Variants in SLC34A3 observed in about 807,000 individuals in gnomAD.
The protein encoded by SLC34A3 is sodium-dependent phosphate transport protein 2C.
A neutral mutation model predicts 43.9 loss-of-function variants in SLC34A3; 60 were observed. The observed-to-expected ratio is 1.37, with a 90% CI of 1.11 to 1.70. SLC34A3 has a LOEUF of 1.70. Ranked by LOEUF, SLC34A3 falls within the 40% of genes most tolerant of loss-of-function variation. SLC34A3 has a pLI of 0.00. For synonymous variants in SLC34A3, 451 were observed against 386.2 expected (o/e 1.17, Z -1.97); for missense variants, 969 against 823.8 (o/e 1.18, Z -2.16).
intron 12 of SLC34A3, among the ~76,000 whole-genome samples, chr9:137,235,551 G>C (rs1020336416): frequency 3.9e-5 from 6 of 152,224 alleles, no homozygotes; most frequent in African/African-American, 1.4e-4. Context: ...CCGTGACACT[G>C]TTCTCCCCTC....
rs1257538967 is a variant in SLC34A3, at chr9:137,234,369, G to A, written c.1094-47G>A. On this transcript the variant is annotated intron_variant, in intron 10 of 12. Transcript: ENST00000673835. The surrounding 1 kb of genome is among the most constrained non-coding windows in gnomAD (Gnocchi z 6.9). ...ACCAGGCTGACTCGGGGGCTACCTG[G>A]CCCTCCTTGTGGGCGCTGGCCAGGG... 3 of 1,595,302 alleles carry A rather than the reference G, an allele frequency of 1.9e-6. No homozygotes were observed. Among genetic ancestry groups the A allele is most frequent in the African/African-American group, 1.3e-5 (1 of 74,740 alleles).
At position 137,232,094 on chromosome 9, in the gene SLC34A3, C is replaced by G; in HGVS notation, c.108C>G (p.Val36=). The G allele has an allele frequency of 6.2e-7, 1 of 1,613,234 alleles. No individual in the cohort carries two copies. The highest frequency in any genetic ancestry group is 8.5e-7 in the Non-Finnish European group (1 of 1,179,982). The part of the protein sequence containing the change: ...RNEGTSSSAP[V]LEEGDTDPWT... ...CAGGGACCTCCAGTTCTGCTCCAGT[C>G]TTGGAGGAAGGGGACACAGACCCCT... Residue 36 remains valine (V), a synonymous_variant, in exon 3 of 13, where the codon GTC becomes GTG. Transcript: ENST00000673835.
chr9:137,232,957 G>T, intron 5 of SLC34A3, 30 bp downstream of exon 5: 2 of 1,606,234 alleles, frequency 1.2e-6, no homozygotes, highest in Non-Finnish European at 1.7e-6. Flanking sequence ...CCGGGTGGTG[G>T]GGGGGGCAGG....
rs1836602044 is a variant in SLC34A3, at chr9:137,236,405, C to CT, written c.1789_1790insT (p.Gln597LeufsTer9). On this transcript the variant is annotated frameshift_variant, in exon 13 of 13. Coordinates refer to ENST00000673835, the MANE Select transcript of SLC34A3 (RefSeq NM_001177316.2). LOFTEE classifies it high-confidence loss of function. The stretch of plus-strand genomic sequence containing the variant: ...CGAGAACCCTGAGATCTTGGCCTCC[C>CT]AGCAGTTGTGACGGGCAGTTGCTGA... The CT allele has an allele frequency of 1.3e-6, 2 of 1,536,976 alleles. No individual in the cohort carries two copies. The highest frequency in any genetic ancestry group is 1.7e-6 in the Non-Finnish European group (2 of 1,146,650).
intron 7 of SLC34A3, 76 bp from the exon 8 acceptor site, chr9:137,233,557 A>C: frequency 1.9e-6 from 3 of 1,560,900 alleles, no homozygotes; most frequent in Non-Finnish European, 2.6e-6. Context: ...GCTGGGCTGG[A>C]CCCCGCGGGC....
In SLC34A3 at chr9:137,232,124, C is replaced by T; in HGVS notation, c.138C>T (p.Thr46=). ...VLEEGDTDPW[T]LPQLKDTSQP... Reference sequence around the variant, plus strand: ...AGGAAGGGGACACAGACCCCTGGACCCTCCCTCAGCTGAAGGACACAAGCC... The same window carrying T: ...AGGAAGGGGACACAGACCCCTGGACTCTCCCTCAGCTGAAGGACACAAGCC... The change falls in exon 3 of 13, where the codon ACC becomes ACT. Residue 46 remains threonine, a synonymous_variant. Transcript: ENST00000673835. The T allele has an allele frequency of 1.2e-6, 2 of 1,613,166 alleles. No homozygotes were observed. Among genetic ancestry groups the T allele is most frequent in the Non-Finnish European group, 8.5e-7 (1 of 1,180,018 alleles).
chr9:137,234,047 G>C lies in SLC34A3; in HGVS notation c.926-62G>C. Reference sequence around the variant, plus strand: ...CCCCGGCGGACAGGCTGCCCTGTGAGGCCCGGCCCACCCCGGCCCACCCCC... The same window carrying C: ...CCCCGGCGGACAGGCTGCCCTGTGACGCCCGGCCCACCCCGGCCCACCCCC... On this transcript the variant is annotated intron_variant, in intron 9 of 12. Transcript: ENST00000673835. The surrounding 1 kb of genome is among the most constrained non-coding windows in gnomAD (Gnocchi z 6.9). 6.8e-7 allele frequency: 1 copy of C among 1,481,344 alleles called. No individual in the cohort carries two copies. Among genetic ancestry groups the C allele is most frequent in the Non-Finnish European group, 9.1e-7 (1 of 1,099,942 alleles). The allele number at this position is 1,481,344 out of a possible 1,614,324, so 91.8% of individuals were successfully genotyped here.
Position 137,233,362 on chromosome 9 carries a change from C to T in SLC34A3, c.714C>T (p.Ile238=), listed in dbSNP as rs973901361. 3.7e-6 allele frequency: 6 copies of T among 1,606,768 alleles called. No homozygotes were observed. Among genetic ancestry groups the T allele is most frequent in the Non-Finnish European group, 5.1e-6 (6 of 1,177,846 alleles). ...SLTPRAQAPD[I]LKVLTKPLTH... The stretch of plus-strand genomic sequence containing the variant: ...CACCCAGGGCGCAGGCGCCCGACAT[C>T]CTCAAGGTGCTGACGAAGCCGCTCA... The change falls in exon 7 of 13, where the codon ATC becomes ATT. Residue 238 remains isoleucine, a synonymous_variant. Transcript: ENST00000673835.
chr9:137,234,531 G>T lies in SLC34A3; in HGVS notation c.1209G>T (p.Met403Ile), dbSNP rs1358076169. The change falls in exon 11 of 13, where the codon ATG becomes ATT. Residue 403 changes from methionine to isoleucine, a missense_variant and splice_region_variant. Coordinates refer to ENST00000673835, the MANE Select transcript of SLC34A3 (RefSeq NM_001177316.2). This position sits in a 1 kb window ranked among gnomAD's most constrained non-coding sequence, Gnocchi z 6.9. ...SVFTAAVVPLMGVGVISLDRA... is the reference protein window; with the variant it reads ...SVFTAAVVPLIGVGVISLDRA... The stretch of plus-strand genomic sequence containing the variant: ...TCACGGCGGCCGTCGTGCCCCTCAT[G>T]GGTGAGCAGGCAGGACAGAGGCCTC... The T allele has an allele frequency of 1.2e-6, 2 of 1,607,646 alleles. No individual in the cohort carries two copies. Among genetic ancestry groups the T allele is most frequent in the African/African-American group, 2.7e-5 (2 of 74,842 alleles).
chr9:137,236,233 G>A lies in SLC34A3; in HGVS notation c.1617G>A (p.Pro539=), dbSNP rs375963233. 18 of 1,557,332 alleles carry A rather than the reference G, an allele frequency of 1.2e-5. No homozygotes were observed. Among genetic ancestry groups the A allele is most frequent in the Admixed American group, 7.6e-5 (4 of 52,530 alleles). ...ILVTVLQRRR[P]AWLPVRLRSW... ...TTACTGTCCTGCAGCGGCGCCGGCC[G>A]GCCTGGCTGCCTGTCCGCCTGCGCT... Residue 539 remains proline, a synonymous_variant, in exon 13 of 13, where the codon CCG becomes CCA. Transcript: ENST00000673835.
chr9:137,234,125 G>A lies in SLC34A3; in HGVS notation c.942G>A (p.Ala314=), dbSNP rs34664302. Reference sequence around the variant, plus strand: ...TGCCCCCAGGCCGCCACCTGTTTGCGGGCACGGAGCTCACGGACCTGGCCG... The same window carrying A: ...TGCCCCCAGGCCGCCACCTGTTTGCAGGCACGGAGCTCACGGACCTGGCCG... ...ADRLPCRHLF[A]GTELTDLAVG... is the part of the protein sequence containing the mutation. The change falls in exon 10 of 13, where the codon GCG becomes GCA. Residue 314 remains alanine (A), a synonymous_variant. Coordinates refer to ENST00000673835, the MANE Select transcript of SLC34A3 (RefSeq NM_001177316.2). The surrounding 1 kb of genome is among the most constrained non-coding windows in gnomAD (Gnocchi z 6.9). 2.3e-5 allele frequency: 36 copies of A among 1,588,694 alleles called. No individual in the cohort carries two copies. Among genetic ancestry groups the A allele is most frequent in the Middle Eastern group, 1.9e-4 (1 of 5,236 alleles).
In SLC34A3 at chr9:137,231,791, C is replaced by T. The variant is rs746766842; in HGVS notation, c.85+4C>T. On this transcript the variant is annotated splice_donor_region_variant and intron_variant, in intron 2 of 12. Coordinates refer to ENST00000673835, the MANE Select transcript of SLC34A3 (RefSeq NM_001177316.2). ...GAAAAGACTCTGAGGAATGAAGGTA[C>T]CAGTGGCCCCTGTGCCCCAGGCCTT... 4.3e-6 allele frequency: 7 copies of T among 1,612,474 alleles called. No homozygotes were observed. The African/African-American group carries it at 5.3e-5, about 12-fold the overall frequency.
At chr9:137,232,000 G>A (rs1836248055) in intron 2 of SLC34A3, 72 bp from the exon 3 acceptor site, 35 of 1,454,368 alleles carry the variant, frequency 2.4e-5, no homozygotes, top group Non-Finnish European at 2.9e-5. Context: ...CCGTCCTCCG[G>A]CCTGTGCCCT....
Position 137,236,095 on chromosome 9 carries a change from G to A in SLC34A3, c.1479G>A (p.Leu493=), listed in dbSNP as rs2131424546. Residue 493 remains leucine, a synonymous_variant, in exon 13 of 13, where the codon CTG becomes CTA. Transcript: ENST00000673835. Reference sequence around the variant, plus strand: ...GCTGGGTGGCTGGGGTCTACCTGCTGCTCGGATTCCTGCTGCTGCCCCTGG... The same window carrying A: ...GCTGGGTGGCTGGGGTCTACCTGCTACTCGGATTCCTGCTGCTGCCCCTGG... ...RYRWVAGVYL[L]LGFLLLPLAA... 2 of 1,612,212 alleles carry A rather than the reference G, an allele frequency of 1.2e-6. No individual in the cohort carries two copies. Among genetic ancestry groups the A allele is most frequent in the East Asian group, 4.5e-5 (2 of 44,884 alleles).
chr9:137,234,836 C>A lies in SLC34A3; in HGVS notation c.1335+105C>A. 6.5e-7 allele frequency: 1 copy of A among 1,532,018 alleles called. No homozygotes were observed. Among genetic ancestry groups the A allele is most frequent in the South Asian group, 1.1e-5 (1 of 87,768 alleles). 94.9% of individuals were successfully genotyped at this position (1,532,018 alleles called of 1,614,324 possible). ...GGGCCCTAGGCTGGCTGTGCCCCCGCCTTCCTGGACCCCTTCCCTGGCCGC... is the reference window on the plus strand; with the variant it reads ...GGGCCCTAGGCTGGCTGTGCCCCCGACTTCCTGGACCCCTTCCCTGGCCGC... On this transcript the variant is annotated intron_variant, in intron 12 of 12. Coordinates refer to ENST00000673835, the MANE Select transcript of SLC34A3 (RefSeq NM_001177316.2). This position sits in a 1 kb window ranked among gnomAD's most constrained non-coding sequence, Gnocchi z 6.9.
In SLC34A3 at chr9:137,232,584, T is replaced by G; in HGVS notation, c.185T>G (p.Val62Gly). ...TGCCCTGTGTCCTCAGAGCTCCGCGTGGCCGGCAGGCTGCGCCGCGTGGCC... is the reference window on the plus strand; with the variant it reads ...TGCCCTGTGTCCTCAGAGCTCCGCGGGGCCGGCAGGCTGCGCCGCGTGGCC... ...DTSQPWKELR[V>G]AGRLRRVAGS... is the part of the protein sequence containing the mutation. The change falls in exon 4 of 13, where the codon GTG (valine) becomes GGG (glycine). Residue 62 changes from valine to glycine, a missense_variant. Coordinates refer to ENST00000673835, the MANE Select transcript of SLC34A3 (RefSeq NM_001177316.2). 6.2e-7 allele frequency: 1 copy of G among 1,609,054 alleles called. No individual in the cohort carries two copies. Among genetic ancestry groups the G allele is most frequent in the Non-Finnish European group, 8.5e-7 (1 of 1,178,258 alleles).
At chr9:137,230,548 G>A (rs774389705), upstream of SLC34A3, among the ~76,000 whole-genome samples, 4 of 152,188 alleles carry the variant, frequency 2.6e-5, no homozygotes, top group African/African-American at 7.2e-5. Context: ...CTCGACTCCC[G>A]GGCAGCCCCA....
rs775960018 is a variant in SLC34A3 at position 137,236,338 on chromosome 9, C to T, written c.1722C>T (p.Val574=). Residue 574 remains valine, a synonymous_variant, in exon 13 of 13, where the codon GTC becomes GTT. Coordinates refer to ENST00000673835, the MANE Select transcript of SLC34A3 (RefSeq NM_001177316.2). ...RLVTRCCPCN[V]CSPPKATTKE... ...TGACCCGCTGCTGCCCCTGCAACGT[C>T]TGCAGCCCCCCGAAGGCCACCACCA... The T allele has an allele frequency of 1.3e-6, 2 of 1,541,912 alleles. No homozygotes were observed. The highest frequency in any genetic ancestry group is 1.7e-6 in the Non-Finnish European group (2 of 1,146,780).
intron 8 of SLC34A3, 57 bp downstream of exon 8, chr9:137,233,779 T>TTGGGGGGCCCCCCCCCCCCCCCCCCCCC: frequency 6.9e-7 from 1 of 1,445,822 alleles, no homozygotes; most frequent in Non-Finnish European, 9.6e-7. Context: ...TGCTGAGTCA[T>TTGGGGGGCCCCCCCCCCCCCCCCCCCCC]CCCGCCCCAC....
Sources: gnomAD v4.1 joint callset for allele counts (sites outside exome capture counted in the v4.1 genomes callset) on GRCh38, gnomAD v4.1.1 for gene constraint, Gnocchi (gnomAD v3.1) non-coding constraint, MANE v1.5 for transcripts, NCBI Gene and HGNC (gene_info 2026-07-23, HGNC 2026-07-21) for gene names.